Variants in CNTN4 observed in about 807,000 individuals in gnomAD.
CNTN4 encodes contactin-4.
Under a neutral mutation model 122.5 loss-of-function variants are expected in CNTN4, and 77 were observed. The observed-to-expected ratio is 0.63, with a 90% CI of 0.52 to 0.76. CNTN4 has a LOEUF of 0.76. Ranked by LOEUF, CNTN4 falls within the 30% of genes least tolerant of loss-of-function variation. The pLI, the probability that CNTN4 is intolerant of heterozygous loss-of-function variation, is 0.00. For missense variants in CNTN4, 1,256 were observed against 1,259.1 expected, an observed-to-expected ratio of 1.00 and a Z score of 0.04; for synonymous variants, 512 against 447.0, an observed-to-expected ratio of 1.15 and a Z score of -1.83.
At chr3:2,503,707 G>A (rs1474782043) in intron 3 of CNTN4, among the ~76,000 whole-genome samples, 1 of 152,056 alleles carries the variant, frequency 6.6e-6, no homozygotes, top group Non-Finnish European at 1.5e-5. Context: ...TTTTAATAAA[G>A]TGGGTAGGGA....
At position 2,376,477 on chromosome 3, in the gene CNTN4, G is replaced by A. The variant is rs190535707; in HGVS notation, c.-89+37244G>A. 1.4e-3 allele frequency among the ~76,000 whole-genome samples: 215 copies of A among 152,080 alleles called. 1 individual carries two copies. The highest frequency in any genetic ancestry group is 1.6e-4 in the Non-Finnish European group (11 of 67,996). ...CAGTCAGGAAAGAATTCACAGAGGC[G>A]GTAATATTTGAAGTGGTCTTTGAAG... On this transcript the variant is annotated intron_variant, in intron 3 of 24. Coordinates refer to ENST00000418658, the MANE Select transcript of CNTN4 (RefSeq NM_175607.3).
intron 4 of CNTN4, among the ~76,000 whole-genome samples, chr3:2,597,255 A>G (rs780328778): frequency 1.3e-5 from 2 of 152,152 alleles, no homozygotes; most frequent in African/African-American, 4.8e-5. Flanking sequence ...TGAAAATCAC[A>G]TTGAGGCCAG....
At chr3:2,226,908 T>G (rs1050119810) in intron 2 of CNTN4, among the ~76,000 whole-genome samples, 1 of 152,198 alleles carries the variant, frequency 6.6e-6, no homozygotes, top group Non-Finnish European at 1.5e-5. Context: ...TGTAACTCTT[T>G]GCAGTAGCTG....
At chr3:2,351,449 C>A (rs376749977) in intron 3 of CNTN4, among the ~76,000 whole-genome samples, 14 of 151,972 alleles carry the variant, frequency 9.2e-5, no homozygotes, top group African/African-American at 3.4e-4. Context: ...ACAAGGGTGA[C>A]CTTACTCGCA....
At chr3:2,772,301 A>G (rs567049920) in intron 6 of CNTN4, among the ~76,000 whole-genome samples, 1 of 150,686 alleles carries the variant, frequency 6.6e-6, no homozygotes, top group East Asian at 2.0e-4. Flanking sequence ...ATAAGAGTCT[A>G]TCCTAAGACA....
At chr3:2,676,900 G>A (rs1480134871) in intron 4 of CNTN4, among the ~76,000 whole-genome samples, 3 of 152,290 alleles carry the variant, frequency 2.0e-5, no homozygotes, top group African/African-American at 7.2e-5. Context: ...CTTGGTGTTT[G>A]TCCTTAATTG....
chr3:2,392,423 A>G (rs1157839890), intron 3 of CNTN4, among the ~76,000 whole-genome samples: 1 of 152,150 alleles, frequency 6.6e-6, no homozygotes, highest in Non-Finnish European at 1.5e-5. Flanking sequence ...CCTACTCATT[A>G]TGCCTTGTTA....
At chr3:2,784,472 T>G (rs1376021933) in intron 6 of CNTN4, among the ~76,000 whole-genome samples, 1 of 152,180 alleles carries the variant, frequency 6.6e-6, no homozygotes, top group African/African-American at 2.4e-5. Flanking sequence ...AGTTAAGGTC[T>G]TTGCCTGAAG....
intron 6 of CNTN4, among the ~76,000 whole-genome samples, chr3:2,768,597 T>A (rs1464044604): frequency 6.6e-6 from 1 of 152,170 alleles, no homozygotes; most frequent in East Asian, 1.9e-4. Flanking sequence ...CCCTATCTAC[T>A]TTATAATGGC....
intron 4 of CNTN4, among the ~76,000 whole-genome samples, chr3:2,593,908 T>C (rs1013555788): frequency 1.2e-4 from 19 of 152,314 alleles, no homozygotes; most frequent in African/African-American, 4.6e-4. Flanking sequence ...TATATTTATA[T>C]AAAATCATAT....
chr3:2,294,008 G>T (rs1382536440), intron 2 of CNTN4, among the ~76,000 whole-genome samples: 1 of 152,134 alleles, frequency 6.6e-6, no homozygotes, highest in Non-Finnish European at 1.5e-5. Context: ...TCTAGCAGTT[G>T]AGTTGCTTCA....
chr3:2,172,392 G>T (rs2036555815), intron 2 of CNTN4, among the ~76,000 whole-genome samples: 1 of 152,076 alleles, frequency 6.6e-6, no homozygotes, highest in Non-Finnish European at 1.5e-5. Flanking sequence ...GGACTTTGGG[G>T]ACTTGAGGGG....
rs181095336 is a variant in CNTN4, at chr3:2,487,428, T to C, written c.-88-83988T>C. ...CCCTCCCTTTCTACCATCCAACCAA[T>C]TTACCAGCCAAGCATTTATCCTTCC... On this transcript the variant is annotated intron_variant, in intron 3 of 24. Transcript: ENST00000418658. 5.8e-4 allele frequency among the ~76,000 whole-genome samples: 88 copies of C among 152,292 alleles called. No individual in the cohort carries two copies. In the Middle Eastern group the frequency reaches 0.014, roughly 24 times the overall value.
At position 2,385,959 on chromosome 3, in the gene CNTN4, C is replaced by G. The variant is rs2046240383; in HGVS notation, c.-89+46726C>G. Among the ~76,000 whole-genome samples, 1 of 152,060 alleles carries G rather than the reference C, an allele frequency of 6.6e-6. No individual in the cohort carries two copies. Among genetic ancestry groups the G allele is most frequent in the African/African-American group, 2.4e-5 (1 of 41,420 alleles). Reference sequence around the variant, plus strand: ...TCACTCAGCAGTCGCTCCCGAGAATCCTTCTTTTTATGTTCAGAAGAGAGG... The same window carrying G: ...TCACTCAGCAGTCGCTCCCGAGAATGCTTCTTTTTATGTTCAGAAGAGAGG... On this transcript the variant is annotated intron_variant, in intron 3 of 24. Transcript: ENST00000418658. This position sits in a 1 kb window ranked among gnomAD's most constrained non-coding sequence, Gnocchi z 4.0.
rs778942482 is a variant in CNTN4 at position 2,481,021 on chromosome 3, CTTT to C, written c.-88-90393_-88-90391del. Among the ~76,000 whole-genome samples the C allele has an allele frequency of 5.3e-5, 5 of 93,700 alleles. No individual in the cohort carries two copies. The East Asian group carries it at 1.9e-3, about 35-fold the overall frequency. 61.5% of individuals were successfully genotyped at this position (93,700 alleles called of 152,430 possible). On this transcript the variant is annotated intron_variant, in intron 3 of 24. Coordinates refer to ENST00000418658, the MANE Select transcript of CNTN4 (RefSeq NM_175607.3). ...AGTTTTTTTAATTCTTTCTTTCTTT[CTTT>C]TCTTTTTCTTTTCTTTCTTTCTTTC...
intron 3 of CNTN4, among the ~76,000 whole-genome samples, chr3:2,463,964 C>T (rs1000582031): frequency 6.6e-6 from 1 of 152,128 alleles, no homozygotes; most frequent in African/African-American, 2.4e-5. Flanking sequence ...TTCCAAGCCT[C>T]ATAATGAAAT....
intron 7 of CNTN4, 63 bp from the exon 8 acceptor site, chr3:2,866,689 A>G (rs2093727566): frequency 3.4e-6 from 5 of 1,465,004 alleles, no homozygotes; most frequent in Non-Finnish European, 4.8e-6. Flanking sequence ...CATTTCTTTC[A>G]TGAAAACAGT....
intron 6 of CNTN4, among the ~76,000 whole-genome samples, chr3:2,816,048 C>G (rs1456859439): frequency 1.3e-5 from 2 of 151,870 alleles, no homozygotes. Flanking sequence ...TATGAGGACG[C>G]AAAGGCATAA....
chr3:2,782,642 G>C (rs189264998), intron 6 of CNTN4, among the ~76,000 whole-genome samples: 5 of 152,206 alleles, frequency 3.3e-5, no homozygotes, highest in East Asian at 1.9e-4. Context: ...GGGCGAACAG[G>C]AGACCAGGTG....
Sources: allele counts gnomAD v4.1 joint callset (sites outside exome capture counted in the v4.1 genomes callset), GRCh38; gene constraint gnomAD v4.1.1; non-coding constraint Gnocchi (gnomAD v3.1); transcripts MANE v1.5; gene names NCBI Gene and HGNC (gene_info 2026-07-23, HGNC 2026-07-21).